The following LRMDA variants were observed in gnomAD, a reference collection of about 807,000 sequenced individuals.
LRMDA encodes the protein leucine rich melanocyte differentiation associated.
A neutral mutation model predicts 29.8 loss-of-function variants in LRMDA; 18 were observed. The ratio of observed to expected loss-of-function variants is 0.60; its 90% CI spans 0.42 to 0.90. LRMDA has a LOEUF of 0.90. Among genes scored for constraint, LRMDA ranks in the 40% least tolerant of loss-of-function variants. The probability of loss-of-function intolerance (pLI) is 0.00; values close to 1 mark genes in which losing one functional copy is unlikely to be tolerated. For missense variants in LRMDA, 273 were observed against 273.9 expected (o/e 1.00, Z 0.02); for synonymous variants, 125 against 109.4 (o/e 1.14, Z -0.89).
At chr10:76,339,368 A>C (rs1841009853) in intron 6 of LRMDA, among the ~76,000 whole-genome samples, 1 of 151,958 alleles carries the variant, frequency 6.6e-6, no homozygotes, top group African/African-American at 2.4e-5. Context: ...AATAGTATAC[A>C]GTATACTTTA....
intron 2 of LRMDA, among the ~76,000 whole-genome samples, chr10:75,526,384 T>G (rs1353148327): frequency 6.6e-6 from 1 of 151,866 alleles, no homozygotes; most frequent in Non-Finnish European, 1.5e-5. Context: ...TTTTAAATAA[T>G]GTAAGGCTGA....
chr10:76,175,711 C>T (rs1281541286), intron 5 of LRMDA, among the ~76,000 whole-genome samples: 1 of 152,166 alleles, frequency 6.6e-6, no homozygotes, highest in Non-Finnish European at 1.5e-5. Context: ...AATTGCTGCA[C>T]CTGGGAAGAG....
intron 6 of LRMDA, among the ~76,000 whole-genome samples, chr10:76,379,146 T>G (rs1841558727): frequency 6.7e-6 from 1 of 150,226 alleles, no homozygotes; most frequent in Non-Finnish European, 1.5e-5. Context: ...CGTGAGCCAC[T>G]GTGCCTGGCC....
At chr10:75,632,804 T>G (rs1412304239) in intron 2 of LRMDA, among the ~76,000 whole-genome samples, 1 of 144,358 alleles carries the variant, frequency 6.9e-6, no homozygotes, top group East Asian at 2.0e-4. Flanking sequence ...TTTTTTTTTT[T>G]TTTTTGCCAA....
intron 6 of LRMDA, among the ~76,000 whole-genome samples, chr10:76,491,179 C>T (rs867922302): frequency 4.6e-5 from 7 of 151,750 alleles, no homozygotes; most frequent in African/African-American, 9.7e-5. Context: ...ATTCATCTTT[C>T]GTCTTCCTAC....
chr10:76,161,079 AT>A (rs1263473506), intron 5 of LRMDA, among the ~76,000 whole-genome samples: 1 of 152,186 alleles, frequency 6.6e-6, no homozygotes, highest in Non-Finnish European at 1.5e-5. Flanking sequence ...GATAACTGAG[AT>A]AATGGGAAAA....
chr10:76,454,488 G>A (rs575940429), intron 6 of LRMDA, among the ~76,000 whole-genome samples: 2 of 152,058 alleles, frequency 1.3e-5, no homozygotes, highest in African/African-American at 2.4e-5. Context: ...GCAGAGAATC[G>A]AGACATAGTA....
chr10:76,274,036 T>G (rs2132324803), intron 5 of LRMDA, among the ~76,000 whole-genome samples: 1 of 152,308 alleles, frequency 6.6e-6, no homozygotes, highest in Admixed American at 6.5e-5. Context: ...TTGAAGATAT[T>G]TGAAGGTATT....
In LRMDA at chr10:76,474,865, A is replaced by G. The variant is rs551937247; in HGVS notation, c.602-82344A>G. ...TTCCACTCCTAGGTATATACCCAGG[A>G]GAGGCGAAAACATACATACACAAAT... On this transcript the variant is annotated intron_variant, in intron 6 of 6. Coordinates refer to ENST00000611255, the MANE Select transcript of LRMDA (RefSeq NM_001305581.2). Among the ~76,000 whole-genome samples the G allele has an allele frequency of 9.2e-5, 14 of 151,808 alleles. No homozygotes were observed. The East Asian group carries it at 2.7e-3, about 30-fold the overall frequency.
At chr10:76,024,114 A>G (rs569789280) in intron 2 of LRMDA, among the ~76,000 whole-genome samples, 2 of 152,328 alleles carry the variant, frequency 1.3e-5, no homozygotes, top group African/African-American at 4.8e-5. Flanking sequence ...GTGTTTACCA[A>G]CTAGATTTGC....
chr10:75,770,151 C>T (rs753715217), intron 2 of LRMDA, among the ~76,000 whole-genome samples: 10 of 151,562 alleles, frequency 6.6e-5, no homozygotes, highest in Non-Finnish European at 1.3e-4. Flanking sequence ...ATTAGCTGGA[C>T]ATGGTGGTAC....
intron 6 of LRMDA, among the ~76,000 whole-genome samples, chr10:76,542,033 G>T (rs1428835940): frequency 6.7e-6 from 1 of 148,368 alleles, no homozygotes; most frequent in Non-Finnish European, 1.5e-5. Flanking sequence ...ATGTATACAT[G>T]CATGCATGTA....
At chr10:75,467,711 C>T (rs1053014459) in intron 2 of LRMDA, among the ~76,000 whole-genome samples, 5 of 151,974 alleles carry the variant, frequency 3.3e-5, no homozygotes, top group Admixed American at 2.0e-4. Context: ...GCCTGTAATC[C>T]CAGCACTTTG....
intron 2 of LRMDA, among the ~76,000 whole-genome samples, chr10:75,942,219 G>A (rs553270599): frequency 1.3e-5 from 2 of 152,064 alleles, no homozygotes; most frequent in Non-Finnish European, 2.9e-5. Context: ...GTGGTGATGT[G>A]TTTGCATTTT....
At chr10:76,317,024 C>T (rs1840708238) in intron 5 of LRMDA, among the ~76,000 whole-genome samples, 1 of 152,078 alleles carries the variant, frequency 6.6e-6, no homozygotes, top group African/African-American at 2.4e-5. Flanking sequence ...GACAGGTGCC[C>T]AGTGGACAGT....
intron 2 of LRMDA, among the ~76,000 whole-genome samples, chr10:75,490,836 G>T (rs529550294): frequency 3.3e-4 from 51 of 152,304 alleles, no homozygotes; most frequent in Non-Finnish European, 6.5e-4. Flanking sequence ...TGCTGATGTG[G>T]CTAATGTGTT....
intron 5 of LRMDA, among the ~76,000 whole-genome samples, chr10:76,186,907 C>T (rs778768554): frequency 6.6e-6 from 1 of 152,132 alleles, no homozygotes; most frequent in Non-Finnish European, 1.5e-5. Context: ...ACCAGTTGGT[C>T]TTTTGCAATA....
At chr10:76,357,207 C>T (rs1841252528) in intron 6 of LRMDA, among the ~76,000 whole-genome samples, 1 of 152,116 alleles carries the variant, frequency 6.6e-6, no homozygotes, top group Admixed American at 6.5e-5. Context: ...GCAGTTGTAA[C>T]TCTTGTTTTT....
chr10:76,324,532 A>C, intron 6 of LRMDA, 47 bp downstream of exon 6: 3 of 1,551,530 alleles, frequency 1.9e-6, no homozygotes, highest in Non-Finnish European at 8.9e-7. Flanking sequence ...AGGGAGGGAC[A>C]CTTGGCTGTG....
Sources: allele counts gnomAD v4.1 joint callset (sites outside exome capture counted in the v4.1 genomes callset), GRCh38; gene constraint gnomAD v4.1.1; transcripts MANE v1.5; gene names NCBI Gene and HGNC (gene_info 2026-07-23, HGNC 2026-07-21).